Variants in MNDA observed in about 807,000 individuals in gnomAD.
MNDA encodes myeloid cell nuclear differentiation antigen.
MNDA carries 43 observed loss-of-function variants against 37.8 expected under a neutral mutation model. The observed-to-expected ratio is 1.14, with a 90% CI of 0.89 to 1.47. The LOEUF (loss-of-function observed/expected upper bound fraction) is 1.47. Among genes scored for constraint, MNDA ranks in the 40% most tolerant of loss-of-function variants. MNDA has a pLI of 0.00. For missense variants in MNDA, 536 were observed against 476.0 expected, an observed-to-expected ratio of 1.13 and a Z score of -1.17; for synonymous variants, 181 against 169.0, an observed-to-expected ratio of 1.07 and a Z score of -0.55.
chr1:158,841,247 A>G (rs900836201), intron 1 of MNDA, among the ~76,000 whole-genome samples: 1 of 152,170 alleles, frequency 6.6e-6, no homozygotes, highest in Admixed American at 6.5e-5. Context: ...TTCAAAAGTA[A>G]CAGACACACA....
chr1:158,849,424 C>A lies in MNDA; in HGVS notation c.*187C>A. The A allele has an allele frequency of 4.0e-6, 2 of 496,364 alleles. No individual in the cohort carries two copies. The highest frequency in any genetic ancestry group is 7.2e-6 in the Non-Finnish European group (2 of 279,600). 30.7% of individuals were successfully genotyped at this position (496,364 alleles called of 1,614,324 possible). A position where few individuals can be genotyped will look rare whatever the true frequency, so the allele number is the denominator to read the frequency against. On this transcript the variant is annotated 3_prime_UTR_variant, in exon 7 of 7. Transcript: ENST00000368141. The stretch of plus-strand genomic sequence containing the variant: ...TCTGGAATAAAATTTTCTTCTTATA[C>A]TCTTCCTTTTTTTTAGATATTACAT...
chr1:158,838,133 CA>C (rs1658959252), intron 1 of MNDA, among the ~76,000 whole-genome samples: 1 of 151,822 alleles, frequency 6.6e-6, no homozygotes, highest in Admixed American at 6.6e-5. Context: ...ATCAAAATAG[CA>C]AAAGTCATGT....
chr1:158,841,029 A>G (rs545532026), intron 1 of MNDA, among the ~76,000 whole-genome samples: 2 of 152,298 alleles, frequency 1.3e-5, no homozygotes, highest in South Asian at 2.1e-4. Context: ...GGTAGTACAC[A>G]AGGGGTTAAA....
At chr1:158,843,493 C>G in intron 3 of MNDA, 78 bp downstream of exon 3, 2 of 1,367,708 alleles carry the variant, frequency 1.5e-6, no homozygotes, top group Non-Finnish European at 1.9e-6. Context: ...TTACTAATAT[C>G]TCAACACAGC....
chr1:158,834,058 C>T (rs748079721), intron 1 of MNDA, among the ~76,000 whole-genome samples: 1 of 151,956 alleles, frequency 6.6e-6, no homozygotes, highest in Non-Finnish European at 1.5e-5. Flanking sequence ...AAACATCATC[C>T]TAGGAGCTCC....
chr1:158,834,744 T>C (rs910552483), intron 1 of MNDA, among the ~76,000 whole-genome samples: 1 of 152,084 alleles, frequency 6.6e-6, no homozygotes, highest in Non-Finnish European at 1.5e-5. Flanking sequence ...ATTCTGAGAG[T>C]TTCATAGTTT....
At chr1:158,841,990 A>T in intron 1 of MNDA, 144 bp from the exon 2 acceptor site, 1 of 637,618 alleles carries the variant, frequency 1.6e-6, no homozygotes, top group Non-Finnish European at 2.7e-6. Flanking sequence ...GTTCACAGTG[A>T]CATATCTGGT....
rs192548249 is a variant in MNDA, at chr1:158,834,434, T to C, written c.-21+2877T>C. Among the ~76,000 whole-genome samples, 66 of 152,152 alleles carry C rather than the reference T, an allele frequency of 4.3e-4. 1 individual carries two copies. The highest frequency in any genetic ancestry group is 1.5e-3 in the African/African-American group (63 of 41,510). The stretch of plus-strand genomic sequence containing the variant: ...TTTTAGTAGAGAAGGGGTTTCACCG[T>C]GTTTATCAATTTTTATCACACTGTT... On this transcript the variant is annotated intron_variant, in intron 1 of 6. Transcript: ENST00000368141.
rs2102049527 is a variant in MNDA at position 158,842,223 on chromosome 1, T to A, written c.70T>A (p.Ser24Thr). 6.2e-7 allele frequency: 1 copy of A among 1,613,926 alleles called. No homozygotes were observed. Among genetic ancestry groups the A allele is most frequent in the Non-Finnish European group, 8.5e-7 (1 of 1,179,856 alleles). Residue 24 changes from serine to threonine, a missense_variant, in exon 2 of 7, where the codon TCA (serine) becomes ACA (threonine). Coordinates refer to ENST00000368141, the MANE Select transcript of MNDA (RefSeq NM_002432.3). ...FELMDDYHFT[S>T]IKSLLAYDLG... Reference sequence around the variant, plus strand: ...GCTCATGGATGATTATCATTTTACATCAATTAAGTCCTTACTGGCCTATGA... The same window carrying A: ...GCTCATGGATGATTATCATTTTACAACAATTAAGTCCTTACTGGCCTATGA...
At chr1:158,841,749 TCAGGGAAGAATCAGGA>T (rs1659032962) in intron 1 of MNDA, among the ~76,000 whole-genome samples, 1 of 316 alleles carries the variant, frequency 3.2e-3, no homozygotes, top group Non-Finnish European at 8.1e-3. Flanking sequence ...CAGGGAAGAA[TCAGGGAAGAATCAGGA>T]ACCAAGAGGT....
In MNDA at chr1:158,840,523, G is replaced by A. The variant is rs114576815; in HGVS notation, c.-20-1611G>A. Among the ~76,000 whole-genome samples, 770 of 152,200 alleles carry A rather than the reference G, an allele frequency of 5.1e-3. 4 individuals are homozygous for A. The highest frequency in any genetic ancestry group is 0.018 in the African/African-American group (740 of 41,524). On this transcript the variant is annotated intron_variant, in intron 1 of 6. Transcript: ENST00000368141. ...GACATAGCCAAACCATATCAGCCAC[G>A]TATTACTTCACATTATATCTCTAAT... is the stretch of plus-strand genomic sequence containing the variant.
At position 158,845,720 on chromosome 1, in the gene MNDA, T is replaced by C; in HGVS notation, c.704T>C (p.Met235Thr). The C allele has an allele frequency of 1.9e-6, 3 of 1,614,114 alleles. No homozygotes were observed. Among genetic ancestry groups the C allele is most frequent in the Non-Finnish European group, 2.5e-6 (3 of 1,180,022 alleles). Residue 235 changes from methionine (M) to threonine (T), a missense_variant, in exon 5 of 7, where the codon ATG (methionine) becomes ACG (threonine). Physicochemically the swap from Met to Thr is moderately conservative, Grantham distance 81 (BLOSUM62 -1). Coordinates refer to ENST00000368141, the MANE Select transcript of MNDA (RefSeq NM_002432.3). ...YESPENGKST[M>T]FHATVASKTQ... ...TCCCCAGAAAATGGGAAAAGCACAA[T>C]GTTTCATGCTACAGTGGCCAGTAAG...
At chr1:158,845,562 A>C in intron 4 of MNDA, 25 bp from the exon 5 acceptor site, 1 of 1,578,732 alleles carries the variant, frequency 6.3e-7, no homozygotes, top group Non-Finnish European at 8.6e-7. Flanking sequence ...TTTTAAGTTT[A>C]TTTTCTTGTG....
chr1:158,843,561 A>G, intron 3 of MNDA, 146 bp downstream of exon 3: 9 of 905,130 alleles, frequency 9.9e-6, no homozygotes, highest in Non-Finnish European at 1.3e-5. Context: ...AGAGTTAGGT[A>G]TCGTAAAAAT....
intron 4 of MNDA, among the ~76,000 whole-genome samples, 193 bp from the exon 5 acceptor site, chr1:158,845,394 C>T (rs781431018): frequency 2.6e-5 from 4 of 152,086 alleles, no homozygotes; most frequent in Non-Finnish European, 5.9e-5. Flanking sequence ...CCCGCTACAA[C>T]GCCCGGCTAG....
chr1:158,836,587 A>G (rs1658918751), intron 1 of MNDA, among the ~76,000 whole-genome samples: 1 of 151,528 alleles, frequency 6.6e-6, no homozygotes, highest in Non-Finnish European at 1.5e-5. Context: ...TTAGTTTCTG[A>G]TTTTATTATT....
At chr1:158,846,659 A>T (rs181212319) in intron 5 of MNDA, among the ~76,000 whole-genome samples, 3 of 152,288 alleles carry the variant, frequency 2.0e-5, no homozygotes, top group Non-Finnish European at 1.5e-5. Flanking sequence ...AGTTTTATTG[A>T]TATGTCCATG....
In MNDA at chr1:158,835,765, G is replaced by A. The variant is rs367653215; in HGVS notation, c.-21+4208G>A. On this transcript the variant is annotated intron_variant, in intron 1 of 6. Transcript: ENST00000368141. ...GAATAATGTTAGCTATGGTGTTTTC[G>A]TATGTAGACTTTACTATGTTGAAGT... Among the ~76,000 whole-genome samples, 8 of 151,956 alleles carry A rather than the reference G, an allele frequency of 5.3e-5. No homozygotes were observed. The East Asian group carries it at 9.7e-4, about 18-fold the overall frequency.
chr1:158,833,509 A>G (rs1658846523), intron 1 of MNDA, among the ~76,000 whole-genome samples: 1 of 152,190 alleles, frequency 6.6e-6, no homozygotes, highest in African/African-American at 2.4e-5. Context: ...GAGCTTGGCA[A>G]ACATCATTCT....
Sources: allele counts gnomAD v4.1 joint callset (sites outside exome capture counted in the v4.1 genomes callset), GRCh38; gene constraint gnomAD v4.1.1; transcripts MANE v1.5; gene names NCBI Gene and HGNC (gene_info 2026-07-23, HGNC 2026-07-21).